The following BICC1 variants were observed in gnomAD, a reference collection of about 807,000 sequenced individuals.
BICC1 encodes the protein BicC family RNA binding protein 1.
BICC1 carries 43 observed loss-of-function variants against 111.0 expected under a neutral mutation model. The ratio of observed to expected loss-of-function variants is 0.39; its 90% CI spans 0.30 to 0.50. The LOEUF is 0.50. Among genes scored for constraint, BICC1 ranks in the 20% least tolerant of loss-of-function variants. The pLI, the probability that BICC1 is intolerant of heterozygous loss-of-function variation, is 0.88. For synonymous variants in BICC1, 467 were observed against 434.4 expected (o/e 1.07, Z -0.93); for missense variants, 1,091 against 1,203.2 (o/e 0.91, Z 1.38).
At chr10:58,700,508 G>A (rs1840199615) in intron 2 of BICC1, among the ~76,000 whole-genome samples, 1 of 152,180 alleles carries the variant, frequency 6.6e-6, no homozygotes. Flanking sequence ...GCAGCAGCCG[G>A]GGCCAGGTGC....
In BICC1 at chr10:58,514,970, A is replaced by G. The variant is rs796292329; in HGVS notation, c.190+1637A>G. On this transcript the variant is annotated intron_variant, in intron 1 of 20. Coordinates refer to ENST00000373886, the MANE Select transcript of BICC1 (RefSeq NM_001080512.3). ...GTTTTCTACATTAGTTTGGAGTGAT[A>G]TGAAAGAATGATCTGTTTCACCTGC... 9.4e-4 allele frequency among the ~76,000 whole-genome samples: 143 copies of G among 152,344 alleles called. 1 individual carries two copies. Among genetic ancestry groups the G allele is most frequent in the African/African-American group, 3.3e-3 (137 of 41,570 alleles).
intron 20 of BICC1, chr10:58,823,490 CTG>C (rs1844310110): frequency 1.0e-6 from 1 of 984,432 alleles, no homozygotes; most frequent in Non-Finnish European, 1.2e-6. Flanking sequence ...CTCTTAGAAA[CTG>C]TATCGATTAG....
chr10:58,691,036 A>G (rs1839892876), intron 2 of BICC1, among the ~76,000 whole-genome samples: 1 of 152,222 alleles, frequency 6.6e-6, no homozygotes, highest in African/African-American at 2.4e-5. Flanking sequence ...TAATGTATAC[A>G]ACTTGATGAG....
At chr10:58,702,845 C>G (rs1840279119) in intron 3 of BICC1, among the ~76,000 whole-genome samples, 1 of 152,128 alleles carries the variant, frequency 6.6e-6, no homozygotes, top group Non-Finnish European at 1.5e-5. Flanking sequence ...ATGTAGTTGT[C>G]AGGATGTAAT....
chr10:58,607,044 C>T (rs1036235516), intron 1 of BICC1, among the ~76,000 whole-genome samples: 20 of 152,084 alleles, frequency 1.3e-4, no homozygotes, highest in Non-Finnish European at 2.1e-4. Context: ...CGGCCTGGCG[C>T]GGTGTCTCAC....
intron 3 of BICC1, among the ~76,000 whole-genome samples, chr10:58,742,891 C>T (rs1266591838): frequency 6.6e-6 from 1 of 152,168 alleles, no homozygotes; most frequent in African/African-American, 2.4e-5. Context: ...TACTAGAGAA[C>T]TAGCTATTAG....
chr10:58,724,321 G>A (rs1841030821), intron 3 of BICC1, among the ~76,000 whole-genome samples: 1 of 152,156 alleles, frequency 6.6e-6, no homozygotes. Context: ...TACAAAGGGG[G>A]AAATCAAACT....
intron 2 of BICC1, among the ~76,000 whole-genome samples, chr10:58,634,421 A>T (rs1181798723): frequency 6.6e-6 from 1 of 152,168 alleles, no homozygotes; most frequent in East Asian, 1.9e-4. Context: ...CCCCAGGTAC[A>T]GGTTTGTCTG....
intron 1 of BICC1, among the ~76,000 whole-genome samples, chr10:58,607,317 A>AAATAAATAAATAAATAAAT (rs1554811635): frequency 1.5e-5 from 2 of 134,700 alleles, no homozygotes; most frequent in South Asian, 2.7e-4. Context: ...ACTCTGTCTC[A>AAATAAATAAATAAATAAAT]AAATAAATAA....
chr10:58,769,708 A>G (rs982210942), intron 3 of BICC1, among the ~76,000 whole-genome samples: 4 of 151,994 alleles, frequency 2.6e-5, no homozygotes, highest in East Asian at 1.9e-4. Flanking sequence ...TTTTGTTTAG[A>G]AAATATTTTT....
chr10:58,803,932 G>A (rs1337784969), intron 15 of BICC1, among the ~76,000 whole-genome samples: 2 of 152,140 alleles, frequency 1.3e-5, no homozygotes, highest in Admixed American at 6.5e-5. Context: ...ATGCCTACAA[G>A]CATTTGATGT....
At chr10:58,649,583 C>T (rs34183121) in intron 2 of BICC1, among the ~76,000 whole-genome samples, 3,496 of 152,218 alleles carry the variant, frequency 0.023, 146 homozygotes, top group African/African-American at 0.08. Context: ...AGAGCTGCAC[C>T]TGTGGAGGCT....
intron 2 of BICC1, among the ~76,000 whole-genome samples, chr10:58,657,408 C>T (rs947097086): frequency 1.3e-5 from 2 of 152,174 alleles, no homozygotes; most frequent in Admixed American, 6.5e-5. Flanking sequence ...GGAACGTGCA[C>T]TAGTAGTTTT....
At chr10:58,737,068 T>A (rs1461599940) in intron 3 of BICC1, among the ~76,000 whole-genome samples, 2 of 152,122 alleles carry the variant, frequency 1.3e-5, no homozygotes, top group East Asian at 1.9e-4. Context: ...AGACAGTCAT[T>A]TAATATCATC....
chr10:58,794,947 A>G (rs1382100040), intron 9 of BICC1, among the ~76,000 whole-genome samples: 1 of 152,202 alleles, frequency 6.6e-6, no homozygotes, highest in Non-Finnish European at 1.5e-5. Flanking sequence ...TAAAAAAAGT[A>G]TATTGCATCG....
At chr10:58,811,700 AAAAC>A (rs1460538634) in intron 17 of BICC1, among the ~76,000 whole-genome samples, 1 of 152,238 alleles carries the variant, frequency 6.6e-6, no homozygotes, top group Non-Finnish European at 1.5e-5. Flanking sequence ...AAGGAAACAT[AAAAC>A]AAACAAGAAG....
intron 2 of BICC1, among the ~76,000 whole-genome samples, chr10:58,683,620 G>A (rs1412603716): frequency 6.6e-6 from 1 of 152,108 alleles, no homozygotes; most frequent in Non-Finnish European, 1.5e-5. Context: ...GGATTCCTAG[G>A]TATTTTATTC....
chr10:58,571,271 A>C (rs1230855932), intron 1 of BICC1, among the ~76,000 whole-genome samples: 2 of 152,134 alleles, frequency 1.3e-5, no homozygotes, highest in African/African-American at 4.8e-5. Flanking sequence ...AAGAGGCTTA[A>C]ATACTTTTTC....
intron 2 of BICC1, among the ~76,000 whole-genome samples, chr10:58,696,381 T>G (rs1840065572): frequency 6.6e-6 from 1 of 152,168 alleles, no homozygotes; most frequent in Non-Finnish European, 1.5e-5. Flanking sequence ...TTTTAATTGT[T>G]TCATATATTT....
Sources: allele counts gnomAD v4.1 joint callset (sites outside exome capture counted in the v4.1 genomes callset), GRCh38; gene constraint gnomAD v4.1.1; transcripts MANE v1.5; gene names NCBI Gene and HGNC (gene_info 2026-07-23, HGNC 2026-07-21).